The following PTPRK variants were observed in gnomAD, a reference collection of about 807,000 sequenced individuals.
The protein encoded by PTPRK is protein tyrosine phosphatase receptor type K.
Under a neutral mutation model 178.0 loss-of-function variants are expected in PTPRK, and 75 were observed. The ratio of observed to expected loss-of-function variants is 0.42; its 90% CI spans 0.35 to 0.51. PTPRK has a LOEUF of 0.51. Ranked by LOEUF, PTPRK falls within the 20% of genes least tolerant of loss-of-function variation. The pLI, the probability that PTPRK is intolerant of heterozygous loss-of-function variation, is 0.02. For missense variants in PTPRK, 1,441 were observed against 1,797.8 expected (o/e 0.80, Z 3.59); for synonymous variants, 637 against 620.6 (o/e 1.03, Z -0.39).
At chr6:128,236,343 C>CTTTT (rs35553541) in intron 5 of PTPRK, among the ~76,000 whole-genome samples, 85 of 108,064 alleles carry the variant, frequency 7.9e-4, no homozygotes, top group Non-Finnish European at 9.2e-4. Context: ...TTCTAAATTT[C>CTTTT]TTTTTTTTTT....
chr6:128,134,583 G>C (rs945278825), intron 7 of PTPRK, among the ~76,000 whole-genome samples: 6 of 152,142 alleles, frequency 3.9e-5, no homozygotes, highest in Admixed American at 2.6e-4. Flanking sequence ...GGCCGAGGCA[G>C]GCTGACCACT....
chr6:128,029,535 G>A (rs1020983654), intron 13 of PTPRK, among the ~76,000 whole-genome samples: 1 of 151,432 alleles, frequency 6.6e-6, no homozygotes, highest in East Asian at 1.9e-4. Context: ...CCTGTAATCC[G>A]AGCTACTGGG....
chr6:128,238,656 T>G (rs536187465), intron 5 of PTPRK, among the ~76,000 whole-genome samples: 1 of 152,136 alleles, frequency 6.6e-6, no homozygotes, highest in Non-Finnish European at 1.5e-5. Flanking sequence ...TATTTAGGCA[T>G]AGGAAGAGAA....
chr6:128,012,658 G>C (rs181979363), intron 13 of PTPRK, among the ~76,000 whole-genome samples: 1 of 151,350 alleles, frequency 6.6e-6, no homozygotes, highest in Admixed American at 6.6e-5. Context: ...ATTTTGGGGG[G>C]TAAAAATAGC....
chr6:127,976,634 C>T, intron 27 of PTPRK, 23 bp downstream of exon 27: 2 of 1,613,622 alleles, frequency 1.2e-6, no homozygotes, highest in South Asian at 2.2e-5. Context: ...TAGATCAGCT[C>T]AAAGGATCCG....
intron 3 of PTPRK, among the ~76,000 whole-genome samples, chr6:128,297,662 G>A (rs1477127608): frequency 3.9e-5 from 6 of 152,172 alleles, no homozygotes; most frequent in Admixed American, 3.3e-4. Flanking sequence ...AAATAAAGAT[G>A]TTCTTTGAAA....
At chr6:128,126,986 C>A (rs1490981170) in intron 7 of PTPRK, among the ~76,000 whole-genome samples, 1 of 151,038 alleles carries the variant, frequency 6.6e-6, no homozygotes, top group African/African-American at 2.4e-5. Flanking sequence ...GGATATTAGT[C>A]ATTCTAATAG....
intron 1 of PTPRK, among the ~76,000 whole-genome samples, chr6:128,507,874 C>A (rs751701005): frequency 6.6e-6 from 1 of 152,160 alleles, no homozygotes; most frequent in African/African-American, 2.4e-5. Flanking sequence ...CTCTCCTCTG[C>A]CTGACTTTGT....
rs191837895 is a variant in PTPRK, at chr6:128,212,775, T to C, written c.868+6147A>G. 4.3e-4 allele frequency among the ~76,000 whole-genome samples: 66 copies of C among 152,076 alleles called. No homozygotes were observed. The East Asian group carries it at 0.012, about 27-fold the overall frequency. On this transcript the variant is annotated intron_variant, in intron 6 of 29. Coordinates refer to ENST00000368226, the MANE Select transcript of PTPRK (RefSeq NM_002844.4). ...ACACAAATTGCCTAGGAAAATAAAC[T>C]GAGAAACCTTTAGGGAAAGAACTCT... is the stretch of plus-strand genomic sequence containing the variant.
chr6:127,987,239 AAAC>A (rs1776080944), intron 21 of PTPRK, among the ~76,000 whole-genome samples: 1 of 146,828 alleles, frequency 6.8e-6, no homozygotes, highest in Non-Finnish European at 1.5e-5. Flanking sequence ...GTGGTTAAAA[AAAC>A]AACCCCCCCC....
intron 2 of PTPRK, among the ~76,000 whole-genome samples, chr6:128,396,444 A>T (rs1022658560): frequency 1.4e-4 from 21 of 151,478 alleles, no homozygotes; most frequent in Non-Finnish European, 2.1e-4. Flanking sequence ...TTGTATTTTT[A>T]AATTCCTGTT....
chr6:128,328,558 T>C (rs934709080), intron 2 of PTPRK, among the ~76,000 whole-genome samples: 6 of 152,194 alleles, frequency 3.9e-5, no homozygotes, highest in Non-Finnish European at 8.8e-5. Flanking sequence ...TGAACGAGTA[T>C]AATGTTTGGA....
rs77082575 is a variant in PTPRK at position 128,166,962 on chromosome 6, G to A, written c.1162+17470C>T. Among the ~76,000 whole-genome samples the A allele has an allele frequency of 5.3e-3, 806 of 151,458 alleles. 7 individuals carry two copies. Among genetic ancestry groups the A allele is most frequent in the African/African-American group, 0.019 (772 of 41,390 alleles). On this transcript the variant is annotated intron_variant, in intron 7 of 29. Transcript: ENST00000368226. ...CGTTTTCTGTTTCCTAGTGTTCCTG[G>A]AGTTATCAATATCATCTGGAAAGTA...
chr6:128,454,695 T>C (rs1282495605), intron 1 of PTPRK, among the ~76,000 whole-genome samples: 13 of 152,158 alleles, frequency 8.5e-5, no homozygotes, highest in Non-Finnish European at 2.9e-5. Flanking sequence ...TTTACTAATA[T>C]AGGCATCTCA....
intron 1 of PTPRK, among the ~76,000 whole-genome samples, chr6:128,498,438 T>G (rs1427158755): frequency 6.6e-6 from 1 of 152,226 alleles, no homozygotes; most frequent in Non-Finnish European, 1.5e-5. Flanking sequence ...AAACAGCACT[T>G]GGCAAAGAGC....
At chr6:128,186,470 T>G (rs1432442193) in intron 6 of PTPRK, among the ~76,000 whole-genome samples, 2 of 152,116 alleles carry the variant, frequency 1.3e-5, no homozygotes, top group Admixed American at 1.3e-4. Flanking sequence ...TTATAATTTC[T>G]ATAGAAAAGT....
intron 6 of PTPRK, among the ~76,000 whole-genome samples, chr6:128,192,161 G>T (rs1367983111): frequency 2.0e-5 from 3 of 152,146 alleles, no homozygotes; most frequent in Non-Finnish European, 4.4e-5. Context: ...AATCAGTGAT[G>T]GGAAAATGGG....
intron 1 of PTPRK, among the ~76,000 whole-genome samples, chr6:128,455,559 G>A (rs1848289157): frequency 6.6e-6 from 1 of 152,084 alleles, no homozygotes; most frequent in South Asian, 2.1e-4. Context: ...CAAGTGACCT[G>A]ACTCCAGAAT....
At chr6:128,376,481 A>G (rs944526476) in intron 2 of PTPRK, among the ~76,000 whole-genome samples, 3 of 152,036 alleles carry the variant, frequency 2.0e-5, no homozygotes, top group African/African-American at 7.2e-5. Context: ...CCGACTCACA[A>G]AACCATCTTT....
Sources: allele counts gnomAD v4.1 joint callset (sites outside exome capture counted in the v4.1 genomes callset), GRCh38; gene constraint gnomAD v4.1.1; transcripts MANE v1.5; gene names NCBI Gene and HGNC (gene_info 2026-07-23, HGNC 2026-07-21).